NGF: variants seen among roughly 807,000 people sequenced by gnomAD.
NGF encodes the protein nerve growth factor, also known as beta-nerve growth factor.
In NGF, 4 loss-of-function variants were observed where a neutral mutation model predicts 12.8. The observed-to-expected ratio is 0.31, with a 90% CI of 0.15 to 0.72. NGF has a LOEUF of 0.72. Among genes scored for constraint, NGF ranks in the 30% least tolerant of loss-of-function variants. The probability of loss-of-function intolerance (pLI) is 0.69; values close to 1 mark genes in which losing one functional copy is unlikely to be tolerated. For missense variants in NGF, 283 were observed against 330.8 expected, an observed-to-expected ratio of 0.86 and a Z score of 1.12; for synonymous variants, 140 against 130.0, an observed-to-expected ratio of 1.08 and a Z score of -0.52.
chr1:115,287,162 T>C (rs1419857115), intron 2 of NGF, among the ~76,000 whole-genome samples: 1 of 152,188 alleles, frequency 6.6e-6, no homozygotes, highest in East Asian at 1.9e-4. Flanking sequence ...TAAGTGTCCA[T>C]GTGTGTACCA....
intron 1 of NGF, among the ~76,000 whole-genome samples, chr1:115,331,024 C>T (rs966727776): frequency 3.9e-5 from 6 of 152,080 alleles, no homozygotes; most frequent in African/African-American, 1.4e-4. Flanking sequence ...CCCAGACCTC[C>T]TGTGCTTTTC....
At chr1:115,331,593 T>A (rs1475115520) in intron 1 of NGF, among the ~76,000 whole-genome samples, 1 of 152,234 alleles carries the variant, frequency 6.6e-6, no homozygotes, top group Non-Finnish European at 1.5e-5. Flanking sequence ...GAGTTTTGGC[T>A]TTTCAGTCTC....
intron 1 of NGF, among the ~76,000 whole-genome samples, chr1:115,318,198 G>A (rs573919794): frequency 6.6e-6 from 1 of 152,200 alleles, no homozygotes; most frequent in Non-Finnish European, 1.5e-5. Flanking sequence ...GGCAGAGGCC[G>A]CTCCTTGCCA....
intron 1 of NGF, among the ~76,000 whole-genome samples, chr1:115,329,078 A>G (rs563629273): frequency 6.7e-4 from 102 of 152,088 alleles, no homozygotes; most frequent in Non-Finnish European, 1.4e-3. Flanking sequence ...GAAGAGGAGA[A>G]GGAAGTAGAA....
At chr1:115,337,248 T>A (rs1211334973) in intron 1 of NGF, among the ~76,000 whole-genome samples, 3 of 144,328 alleles carry the variant, frequency 2.1e-5, no homozygotes, top group Non-Finnish European at 4.5e-5. Context: ...AATCTCGAAA[T>A]TTTTTTTGTT....
intron 1 of NGF, among the ~76,000 whole-genome samples, chr1:115,295,754 C>G (rs1186481506): frequency 6.6e-6 from 1 of 152,110 alleles, no homozygotes; most frequent in Non-Finnish European, 1.5e-5. Context: ...GATTCCGTGA[C>G]TTTGAATGTT....
At chr1:115,301,150 A>AC (rs563937785) in intron 1 of NGF, among the ~76,000 whole-genome samples, 205 of 152,326 alleles carry the variant, frequency 1.3e-3, no homozygotes, top group African/African-American at 4.7e-3. Flanking sequence ...CAAAATAAAA[A>AC]GTCTGCATTG....
At position 115,286,577 on chromosome 1, in the gene NGF, G is replaced by T. The variant is rs780383333; in HGVS notation, c.219C>A (p.Asp73Glu). The change falls in exon 3 of 3, where the codon GAC becomes GAA. Residue 73 changes from aspartate to glutamate, a missense_variant. This residue lies in a region of NGF where 151 missense variants were observed against 141.6 expected (regional missense o/e 1.07). Coordinates refer to ENST00000369512, the MANE Select transcript of NGF (RefSeq NM_002506.3). ...VAGQTRNITV[D>E]PRLFKKRRLR... ...GTCGCCGCTTTTTAAACAGCCTGGG[G>T]TCCACAGTAATGTTGCGGGTCTGCC... 2 of 1,614,078 alleles carry T rather than the reference G, an allele frequency of 1.2e-6. No homozygotes were observed. Among genetic ancestry groups the T allele is most frequent in the Admixed American group, 1.7e-5 (1 of 60,012 alleles).
At chr1:115,297,568 G>A (rs888308514) in intron 1 of NGF, among the ~76,000 whole-genome samples, 9 of 152,102 alleles carry the variant, frequency 5.9e-5, no homozygotes, top group Admixed American at 2.0e-4. Context: ...GATTAATGGC[G>A]AACTGTTCAA....
chr1:115,338,108 C>A (rs1655189058), intron 1 of NGF, 96 bp downstream of exon 1: 1 of 152,646 alleles, frequency 6.6e-6, no homozygotes, highest in East Asian at 1.9e-4. Context: ...GCTCGCCAGA[C>A]CGGTATCCTT....
At chr1:115,299,566 G>T (rs1363074290) in intron 1 of NGF, among the ~76,000 whole-genome samples, 1 of 152,198 alleles carries the variant, frequency 6.6e-6, no homozygotes, top group Non-Finnish European at 1.5e-5. Context: ...TGTGGTGGAA[G>T]ATAAGACATC....
At chr1:115,287,495 CTT>C (rs1653551413) in intron 2 of NGF, among the ~76,000 whole-genome samples, 1 of 152,166 alleles carries the variant, frequency 6.6e-6, no homozygotes, top group African/African-American at 2.4e-5. Flanking sequence ...AATAGTTCCT[CTT>C]TGTGTGATGT....
chr1:115,331,920 A>G (rs567431653), intron 1 of NGF, among the ~76,000 whole-genome samples: 1 of 152,318 alleles, frequency 6.6e-6, no homozygotes, highest in African/African-American at 2.4e-5. Flanking sequence ...AGCCTCATAC[A>G]TGGTGGGCCC....
At chr1:115,315,532 G>A (rs1231838891) in intron 1 of NGF, among the ~76,000 whole-genome samples, 4 of 152,120 alleles carry the variant, frequency 2.6e-5, no homozygotes, top group Non-Finnish European at 4.4e-5. Context: ...TACTGAGATG[G>A]AGAACACTGA....
chr1:115,333,858 T>A (rs756790930), intron 1 of NGF, among the ~76,000 whole-genome samples: 1 of 151,804 alleles, frequency 6.6e-6, no homozygotes, highest in Non-Finnish European at 1.5e-5. Flanking sequence ...TTTCTTTCTT[T>A]TTTTTCCCTC....
chr1:115,306,221 G>A (rs933122543), intron 1 of NGF, among the ~76,000 whole-genome samples: 2 of 152,194 alleles, frequency 1.3e-5, no homozygotes, highest in African/African-American at 4.8e-5. Context: ...GGGACGAGTG[G>A]AAAGCAATAA....
At chr1:115,318,256 T>C (rs1654523391) in intron 1 of NGF, among the ~76,000 whole-genome samples, 1 of 152,242 alleles carries the variant, frequency 6.6e-6, no homozygotes, top group African/African-American at 2.4e-5. Context: ...CTTAGCTAGA[T>C]GCCCTAGACA....
Position 115,286,649 on chromosome 1 carries a change from G to A in NGF, c.147C>T (p.Arg49=). 1.9e-6 allele frequency: 3 copies of A among 1,614,240 alleles called. No homozygotes were observed. The highest frequency in any genetic ancestry group is 2.5e-6 in the Non-Finnish European group (3 of 1,180,054). ...KLQHSLDTAL[R]RARSAPAAAI... ...CCGCTGCCGGGGCGCTGCGGGCTCT[G>A]CGAAGGGCAGTGTCAAGGGAATGCT... The change falls in exon 3 of 3, where the codon CGC becomes CGT. Residue 49 remains arginine, a synonymous_variant. Coordinates refer to ENST00000369512, the MANE Select transcript of NGF (RefSeq NM_002506.3).
intron 1 of NGF, among the ~76,000 whole-genome samples, chr1:115,296,989 T>C (rs1653892645): frequency 6.6e-6 from 1 of 152,230 alleles, no homozygotes; most frequent in African/African-American, 2.4e-5. Context: ...TCATGTTCTA[T>C]TCTTTCTTAC....
Sources: allele counts gnomAD v4.1 joint callset (sites outside exome capture counted in the v4.1 genomes callset), GRCh38; gene constraint gnomAD v4.1.1; regional missense constraint gnomAD v4.1.1; transcripts MANE v1.5; gene names NCBI Gene and HGNC (gene_info 2026-07-23, HGNC 2026-07-21).